The following RBPJ variants were observed in gnomAD, a reference collection of about 807,000 sequenced individuals.
RBPJ encodes recombination signal binding protein for immunoglobulin kappa J region, also known as recombining binding protein suppressor of hairless.
RBPJ carries 9 observed loss-of-function variants against 67.8 expected under a neutral mutation model. The ratio of observed to expected loss-of-function variants is 0.13; its 90% CI spans 0.08 to 0.23. The LOEUF is 0.23. Among genes scored for constraint, RBPJ ranks in the 10% least tolerant of loss-of-function variants. The pLI is 1.00. For synonymous variants in RBPJ, 198 were observed against 203.3 expected, an observed-to-expected ratio of 0.97 and a Z score of 0.22; for missense variants, 305 against 595.6, an observed-to-expected ratio of 0.51 and a Z score of 5.08.
At chr4:26,429,628 T>G (rs891881061) in intron 8 of RBPJ, among the ~76,000 whole-genome samples, 4 of 152,376 alleles carry the variant, frequency 2.6e-5, no homozygotes, top group Admixed American at 2.6e-4. Context: ...ATTGGTATAC[T>G]CATAATGGTT....
chr4:26,326,125 C>T (rs2109339656), intron 1 of RBPJ, among the ~76,000 whole-genome samples: 1 of 152,136 alleles, frequency 6.6e-6, no homozygotes, highest in South Asian at 2.1e-4. Flanking sequence ...TCATGTGGCA[C>T]AATTTTAAAA....
chr4:26,315,167 A>AAAAAAAAT (rs1325689348), upstream of RBPJ, among the ~76,000 whole-genome samples: 66 of 74,722 alleles, frequency 8.8e-4, no homozygotes, highest in Admixed American at 1.2e-3. Flanking sequence ...AAAAAAAAAA[A>AAAAAAAAT]ATATATATAT....
At chr4:26,395,847 T>A (rs1732065821) in intron 2 of RBPJ, among the ~76,000 whole-genome samples, 1 of 152,256 alleles carries the variant, frequency 6.6e-6, no homozygotes, top group South Asian at 2.1e-4. Flanking sequence ...CTGTTCTTTT[T>A]GAATCTCTTC....
At chr4:26,135,744 G>A in the RBPJ span, among the ~76,000 whole-genome samples, 23 of 152,270 alleles carry the variant, frequency 1.5e-4, 1 homozygote, top group Non-Finnish European at 2.8e-4. Flanking sequence ...ACCATCACGC[G>A]CTGAACTTCA....
chr4:26,305,688 T>C (rs1206165630), intron 1 of RBPJ, among the ~76,000 whole-genome samples: 1 of 151,814 alleles, frequency 6.6e-6, no homozygotes, highest in Non-Finnish European at 1.5e-5. Context: ...TTTATATTAA[T>C]CTTGTATTCT....
At position 26,407,346 on chromosome 4, in the gene RBPJ, CA is replaced by C. The variant is rs578116894; in HGVS notation, c.155+1080del. Among the ~76,000 whole-genome samples, 638 of 152,264 alleles carry C rather than the reference CA, an allele frequency of 4.2e-3. 3 individuals carry two copies. The highest frequency in any genetic ancestry group is 6.0e-3 in the Non-Finnish European group (407 of 68,026). On this transcript the variant is annotated intron_variant, in intron 3 of 10. Coordinates refer to ENST00000355476, the MANE Select transcript of RBPJ (RefSeq NM_015874.6). Reference sequence around the variant, plus strand: ...TTGGGTTGCTATTAAGAAGAAACAGCAAAACTGGGTTCATACTCTCATACTA... The same window carrying C: ...TTGGGTTGCTATTAAGAAGAAACAGCAAACTGGGTTCATACTCTCATACTA...
intron 1 of RBPJ, among the ~76,000 whole-genome samples, chr4:26,268,675 C>G (rs1182265308): frequency 1.3e-5 from 2 of 149,804 alleles, no homozygotes; most frequent in Admixed American, 6.6e-5. Flanking sequence ...TTTTTTTTTC[C>G]TCTCTCACAA....
At position 26,321,021 on chromosome 4, in the gene RBPJ, T is replaced by C; in HGVS notation, c.-8T>C. On this transcript the variant is annotated 5_prime_UTR_variant, in exon 1 of 11. Coordinates refer to ENST00000355476, the MANE Select transcript of RBPJ (RefSeq NM_015874.6). ...GAGGGTTGGAGTTTTGGCGAGAGTT[T>C]GTGGAAGATGGCGCCTGTTGTGACA... 3 of 1,613,202 alleles carry C rather than the reference T, an allele frequency of 1.9e-6. No homozygotes were observed. The highest frequency in any genetic ancestry group is 2.5e-6 in the Non-Finnish European group (3 of 1,179,562).
At chr4:26,283,502 G>A (rs1244012516) in intron 1 of RBPJ, among the ~76,000 whole-genome samples, 3 of 151,496 alleles carry the variant, frequency 2.0e-5, no homozygotes, top group East Asian at 2.0e-4. Context: ...CCGAGATGGC[G>A]CACCTGCACT....
chr4:26,329,268 C>T (rs1360360812), intron 1 of RBPJ, among the ~76,000 whole-genome samples: 15 of 152,182 alleles, frequency 9.9e-5, no homozygotes, highest in Admixed American at 9.8e-4. Flanking sequence ...GCTAGGATTA[C>T]AGGCATGAGC....
At chr4:26,108,065 G>A in the RBPJ span, among the ~76,000 whole-genome samples, 2 of 152,128 alleles carry the variant, frequency 1.3e-5, no homozygotes, top group Admixed American at 1.3e-4. Flanking sequence ...ATCCAGTGTG[G>A]CTGCCCAGAT....
At chr4:26,417,570 C>T (rs1734718694) in intron 4 of RBPJ, among the ~76,000 whole-genome samples, 1 of 151,868 alleles carries the variant, frequency 6.6e-6, no homozygotes. Context: ...AGGAAAAATT[C>T]TATTAGGGAA....
At chr4:26,360,963 A>G (rs1178028193) in intron 1 of RBPJ, among the ~76,000 whole-genome samples, 1 of 150,612 alleles carries the variant, frequency 6.6e-6, no homozygotes, top group Non-Finnish European at 1.5e-5. Flanking sequence ...GCAACTAGAT[A>G]AAATAAAGAT....
At chr4:26,315,182 ATATATATATATG>A (rs1392333632), upstream of RBPJ, among the ~76,000 whole-genome samples, 146 of 122,142 alleles carry the variant, frequency 1.2e-3, 5 homozygotes, top group African/African-American at 4.9e-3. Context: ...ATATATATAT[ATATATATATATG>A]TATGTATATA....
the RBPJ span, among the ~76,000 whole-genome samples, chr4:26,150,708 C>T: frequency 6.6e-6 from 1 of 152,178 alleles, no homozygotes; most frequent in Non-Finnish European, 1.5e-5. Flanking sequence ...CCATAGGGTA[C>T]ACAATGGGCC....
At chr4:26,329,016 C>T (rs1429847901) in intron 1 of RBPJ, among the ~76,000 whole-genome samples, 2 of 152,164 alleles carry the variant, frequency 1.3e-5, no homozygotes, top group East Asian at 1.9e-4. Flanking sequence ...TTTGTTTTGA[C>T]GGAGTTTTGC....
At chr4:26,108,268 C>T in the RBPJ span, among the ~76,000 whole-genome samples, 1 of 152,222 alleles carries the variant, frequency 6.6e-6, no homozygotes, top group East Asian at 1.9e-4. Context: ...CTCCTTGAAC[C>T]CTCCCACGAG....
upstream of RBPJ, among the ~76,000 whole-genome samples, chr4:26,318,564 C>A (rs190159122): frequency 3.3e-5 from 5 of 152,110 alleles, no homozygotes; most frequent in Non-Finnish European, 7.4e-5. Context: ...AAGAGACTGA[C>A]AAGAAATTTT....
intron 1 of RBPJ, among the ~76,000 whole-genome samples, chr4:26,272,398 T>C (rs1720944572): frequency 6.6e-6 from 1 of 152,042 alleles, no homozygotes; most frequent in East Asian, 1.9e-4. Context: ...AGACTCCATC[T>C]GTACAAAAAA....
Sources: allele counts gnomAD v4.1 joint callset (sites outside exome capture counted in the v4.1 genomes callset), GRCh38; gene constraint gnomAD v4.1.1; transcripts MANE v1.5; gene names NCBI Gene and HGNC (gene_info 2026-07-23, HGNC 2026-07-21).